The following LPCAT1 variants were observed in gnomAD, a reference collection of about 807,000 sequenced individuals.
LPCAT1 encodes 1-acylglycerol-3-phosphate O-acyltransferase.
LPCAT1 carries 23 observed loss-of-function variants against 60.9 expected under a neutral mutation model. The observed-to-expected ratio is 0.38, with a 90% CI of 0.27 to 0.53. The LOEUF (loss-of-function observed/expected upper bound fraction) is 0.53, where lower values mean the gene tolerates loss of function less well. Ranked by LOEUF, LPCAT1 falls within the 20% of genes least tolerant of loss-of-function variation. LPCAT1 has a pLI of 0.82. For missense variants in LPCAT1, 622 were observed against 723.6 expected (o/e 0.86, Z 1.61); for synonymous variants, 340 against 301.1 (o/e 1.13, Z -1.34).
rs748337774 is a variant in LPCAT1 at position 1,466,816 on chromosome 5, C to A, written c.1353G>T (p.Val451=). ...LSCILKTALG[V]AELTVTDLFR... is the part of the protein sequence containing the mutation. ...ATAGGTCGGTCACGGTGAGCTCTGC[C>A]ACCCCCAGGGCCGTCTTGAGGATGC... Residue 451 remains valine, a synonymous_variant, in exon 13 of 14, where the codon GTG becomes GTT. Coordinates refer to ENST00000283415, the MANE Select transcript of LPCAT1 (RefSeq NM_024830.5). 4.3e-6 allele frequency: 7 copies of A among 1,613,456 alleles called. No homozygotes were observed. Among genetic ancestry groups the A allele is most frequent in the Non-Finnish European group, 5.9e-6 (7 of 1,179,616 alleles).
intron 1 of LPCAT1, among the ~76,000 whole-genome samples, chr5:1,515,839 A>G (rs1338940414): frequency 6.6e-6 from 1 of 150,920 alleles, no homozygotes; most frequent in Non-Finnish European, 1.5e-5. Flanking sequence ...GGAGCCCACC[A>G]AGCACATCCT....
intron 1 of LPCAT1, among the ~76,000 whole-genome samples, chr5:1,516,425 GAACA>G (rs1315076627): frequency 1.3e-5 from 2 of 152,152 alleles, no homozygotes; most frequent in African/African-American, 2.4e-5. Context: ...TAGCCTAGGA[GAACA>G]AACAGACTCC....
Position 1,466,849 on chromosome 5 carries a change from G to C in LPCAT1, c.1320C>G (p.Asp440Glu), listed in dbSNP as rs955924676. Residue 440 changes from aspartate to glutamate, a missense_variant, in exon 13 of 14, where the codon GAC becomes GAG. Transcript: ENST00000283415. ...GGGCCGTCTTGAGGATGCAGGACAG[G>C]TCACCTTCGCCGACGCTGCCGTCCT... ...AQEDGSVGEG[D>E]LSCILKTALG... 8 of 1,610,018 alleles carry C rather than the reference G, an allele frequency of 5.0e-6. No homozygotes were observed. In the African/African-American group the frequency reaches 5.3e-5, roughly 11 times the overall value.
chr5:1,494,631 A>G, intron 3 of LPCAT1, 69 bp downstream of exon 3: 1 of 1,423,084 alleles, frequency 7.0e-7, no homozygotes, highest in Non-Finnish European at 9.9e-7. Context: ...TCTTATTCTC[A>G]GCAGCAGGGG....
chr5:1,518,420 A>T (rs1475401304), intron 1 of LPCAT1, among the ~76,000 whole-genome samples: 1 of 152,172 alleles, frequency 6.6e-6, no homozygotes, highest in Admixed American at 6.5e-5. Context: ...CGCTCACTGC[A>T]AGCTCCGCCT....
chr5:1,515,578 C>G (rs1219546467), intron 1 of LPCAT1, among the ~76,000 whole-genome samples: 8 of 151,594 alleles, frequency 5.3e-5, no homozygotes, highest in Admixed American at 1.3e-4. Context: ...CTGGCCTGCC[C>G]TGTATACCCT....
At chr5:1,500,751 C>T (rs1351952442) in intron 2 of LPCAT1, among the ~76,000 whole-genome samples, 1 of 152,264 alleles carries the variant, frequency 6.6e-6, no homozygotes, top group Non-Finnish European at 1.5e-5. Context: ...ATGCGGCAAC[C>T]TGTTCCCACT....
chr5:1,523,712 G>T lies in LPCAT1; in HGVS notation c.133C>A (p.Gln45Lys). 1 of 1,147,124 alleles carries T rather than the reference G, an allele frequency of 8.7e-7. No homozygotes were observed. Among genetic ancestry groups the T allele is most frequent in the Non-Finnish European group, 1.1e-6 (1 of 929,746 alleles). 71.1% of individuals were successfully genotyped at this position (1,147,124 alleles called of 1,614,324 possible). Residue 45 changes from glutamine to lysine, a missense_variant and splice_region_variant, in exon 1 of 14, where the codon CAG (glutamine) becomes AAG (lysine). Coordinates refer to ENST00000283415, the MANE Select transcript of LPCAT1 (RefSeq NM_024830.5). The surrounding 1 kb of genome is among the most constrained non-coding windows in gnomAD (Gnocchi z 7.1). ...GGCCGCGCGCCCTGGGCACCCACCTGGGCCTTCTGCAGGGCGCTGAGGCGC... is the reference window on the plus strand; with the variant it reads ...GGCCGCGCGCCCTGGGCACCCACCTTGGCCTTCTGCAGGGCGCTGAGGCGC... Reference protein sequence around the residue: ...ELRLSALQKAQVALMTLTLFP... With the variant: ...ELRLSALQKAKVALMTLTLFP...
At chr5:1,516,193 C>T (rs546340355) in intron 1 of LPCAT1, among the ~76,000 whole-genome samples, 1 of 152,208 alleles carries the variant, frequency 6.6e-6, no homozygotes, top group Admixed American at 6.5e-5. Flanking sequence ...AGAGACTTCC[C>T]CAATGGCACA....
At position 1,495,151 on chromosome 5, in the gene LPCAT1, T is replaced by TG. The variant is rs1735740375; in HGVS notation, c.279-238dup. ...CTACGAAGGAGGCCGCGGGGCCCTGTGTGGTGGTCACGGGCCACGCGGCAG... is the reference window on the plus strand; with the variant it reads ...CTACGAAGGAGGCCGCGGGGCCCTGTGGTGGTGGTCACGGGCCACGCGGCAG... On this transcript the variant is annotated intron_variant, in intron 2 of 13. Transcript: ENST00000283415. This position sits in a 1 kb window ranked among gnomAD's most constrained non-coding sequence, Gnocchi z 4.7. Among the ~76,000 whole-genome samples the TG allele has an allele frequency of 6.6e-6, 1 of 152,160 alleles. No homozygotes were observed. Among genetic ancestry groups the TG allele is most frequent in the Admixed American group, 6.5e-5 (1 of 15,284 alleles).
chr5:1,515,331 C>G (rs1736474511), intron 1 of LPCAT1, among the ~76,000 whole-genome samples: 1 of 152,080 alleles, frequency 6.6e-6, no homozygotes, highest in South Asian at 2.1e-4. Context: ...CTACTCCGAA[C>G]TGGCTGCAGA....
rs938423080 is a variant in LPCAT1 at position 1,461,890 on chromosome 5, C to G, written c.*1761G>C. The stretch of plus-strand genomic sequence containing the variant: ...CTTCTCCTTGAAAAATGAATCTTTA[C>G]GCATTCTCCAATTATAAAATCAGTG... On this transcript the variant is annotated 3_prime_UTR_variant, in exon 14 of 14. Coordinates refer to ENST00000283415, the MANE Select transcript of LPCAT1 (RefSeq NM_024830.5). The G allele has an allele frequency of 6.6e-5, 10 of 152,592 alleles. No individual in the cohort carries two copies. Among genetic ancestry groups the G allele is most frequent in the Non-Finnish European group, 7.3e-5 (5 of 68,042 alleles). The allele number at this position is 152,592 out of a possible 1,614,324, so 9.5% of individuals were successfully genotyped here.
At chr5:1,512,093 G>GT (rs1736372286) in intron 1 of LPCAT1, among the ~76,000 whole-genome samples, 1 of 152,204 alleles carries the variant, frequency 6.6e-6, no homozygotes, top group Non-Finnish European at 1.5e-5. Context: ...GGCAGAGGGC[G>GT]TACCACACTT....
At chr5:1,479,496 A>G (rs1735046990) in intron 8 of LPCAT1, 125 bp downstream of exon 8, 1 of 740,352 alleles carries the variant, frequency 1.4e-6, no homozygotes, top group South Asian at 1.5e-5. Flanking sequence ...TGAGAAACGG[A>G]AAGATGGGAA....
At chr5:1,517,217 G>A (rs776631859) in intron 1 of LPCAT1, among the ~76,000 whole-genome samples, 92 of 152,104 alleles carry the variant, frequency 6.0e-4, no homozygotes, top group Admixed American at 2.0e-3. Context: ...TGGAGGGGAC[G>A]GTCGCGGCTC....
Position 1,523,670 on chromosome 5 carries a change from T to G in LPCAT1, c.135+40A>C. The G allele has an allele frequency of 9.4e-7, 1 of 1,068,230 alleles. No homozygotes were observed. The highest frequency in any genetic ancestry group is 1.1e-6 in the Non-Finnish European group (1 of 884,000). The allele number at this position is 1,068,230 out of a possible 1,614,324, so 66.2% of individuals were successfully genotyped here. A position where few individuals can be genotyped will look rare whatever the true frequency, so the allele number is the denominator to read the frequency against. ...CTCCCTGGCCCCAGCATCCCTGGCG[T>G]CCGCGCCGGCTCCCGGGGCCGCGCG... On this transcript the variant is annotated intron_variant, in intron 1 of 13. Coordinates refer to ENST00000283415, the MANE Select transcript of LPCAT1 (RefSeq NM_024830.5). This position sits in a 1 kb window ranked among gnomAD's most constrained non-coding sequence, Gnocchi z 7.1.
intron 1 of LPCAT1, among the ~76,000 whole-genome samples, chr5:1,505,684 A>G (rs1736163451): frequency 6.6e-6 from 1 of 151,982 alleles, no homozygotes; most frequent in Non-Finnish European, 1.5e-5. Flanking sequence ...TCCTGCGCAC[A>G]TAGGGAAGAC....
In LPCAT1 at chr5:1,502,942, G is replaced by A. The variant is rs935693575; in HGVS notation, c.136-1339C>T. On this transcript the variant is annotated intron_variant, in intron 1 of 13. Coordinates refer to ENST00000283415, the MANE Select transcript of LPCAT1 (RefSeq NM_024830.5). This position sits in a 1 kb window ranked among gnomAD's most constrained non-coding sequence, Gnocchi z 5.5. ...GACAATTTAATATACAGCTCATTTC[G>A]CCCGGTATATCTGAAATACCATTTC... 2.0e-5 allele frequency among the ~76,000 whole-genome samples: 3 copies of A among 151,986 alleles called. No individual in the cohort carries two copies. The highest frequency in any genetic ancestry group is 7.3e-5 in the African/African-American group (3 of 41,372).
At chr5:1,475,056 C>T (rs1399324432) in intron 9 of LPCAT1, among the ~76,000 whole-genome samples, 2 of 152,238 alleles carry the variant, frequency 1.3e-5, no homozygotes, top group African/African-American at 2.4e-5. Context: ...TGCTGGAAAA[C>T]GGTGCTAATA....
Sources: allele counts gnomAD v4.1 joint callset (sites outside exome capture counted in the v4.1 genomes callset), GRCh38; gene constraint gnomAD v4.1.1; non-coding constraint Gnocchi (gnomAD v3.1); transcripts MANE v1.5; gene names NCBI Gene and HGNC (gene_info 2026-07-23, HGNC 2026-07-21).